FXYD6: variants seen among roughly 807,000 people sequenced by gnomAD.
FXYD6 encodes the protein FXYD domain containing ion transport regulator 6.
FXYD6 carries 7 observed loss-of-function variants against 16.7 expected under a neutral mutation model. The observed-to-expected ratio is 0.42, with a 90% CI of 0.24 to 0.79. The LOEUF is 0.79. Among genes scored for constraint, FXYD6 ranks in the 30% least tolerant of loss-of-function variants. The probability of loss-of-function intolerance (pLI) is 0.28; values close to 1 mark genes in which losing one functional copy is unlikely to be tolerated. For synonymous variants in FXYD6, 49 were observed against 43.0 expected (o/e 1.14, Z -0.54); for missense variants, 111 against 116.2 (o/e 0.95, Z 0.21).
intron 1 of FXYD6, among the ~76,000 whole-genome samples, chr11:117,860,090 A>T (rs2056871151): frequency 6.6e-6 from 1 of 151,132 alleles, no homozygotes; most frequent in South Asian, 2.1e-4. Flanking sequence ...GCCCTGGAGA[A>T]TAAGTGCAGG....
At position 117,856,346 on chromosome 11, in the gene FXYD6, C is replaced by G. The variant is rs558747285; in HGVS notation, c.-5-13565G>C. ...ACAACCTCCCTTGAAAATGCAGAGG[C>G]TCCAAATTACAGTGAAACTTCATTA... On this transcript the variant is annotated intron_variant, in intron 1 of 7. Coordinates refer to ENST00000526014, the MANE Select transcript of FXYD6 (RefSeq NM_022003.4). Among the ~76,000 whole-genome samples, 14 of 152,266 alleles carry G rather than the reference C, an allele frequency of 9.2e-5. 1 individual carries two copies. The South Asian group carries it at 2.9e-3, about 32-fold the overall frequency.
In FXYD6 at chr11:117,854,271, C is replaced by T. The variant is rs538237850; in HGVS notation, c.-5-11490G>A. Among the ~76,000 whole-genome samples, 7 of 152,290 alleles carry T rather than the reference C, an allele frequency of 4.6e-5. No homozygotes were observed. The South Asian group carries it at 1.2e-3, about 27-fold the overall frequency. ...AGGGAAGGACAAATGGACCAGGCTT[C>T]CCACAGTGGCCTCTTGACCAGCTCT... is the stretch of plus-strand genomic sequence containing the variant. On this transcript the variant is annotated intron_variant, in intron 1 of 7. Transcript: ENST00000526014.
At chr11:117,863,832 A>C (rs140038629) in intron 1 of FXYD6, among the ~76,000 whole-genome samples, 144 of 152,306 alleles carry the variant, frequency 9.5e-4, no homozygotes, top group Non-Finnish European at 1.6e-3. Flanking sequence ...AAAAATCTGA[A>C]GAGGAAACTA....
intron 1 of FXYD6, among the ~76,000 whole-genome samples, chr11:117,843,391 C>T (rs1488251010): frequency 1.3e-5 from 2 of 152,192 alleles, no homozygotes; most frequent in Non-Finnish European, 2.9e-5. Flanking sequence ...TAGATCCTAA[C>T]CCAGCATGGT....
chr11:117,871,763 C>T (rs970956820), intron 1 of FXYD6, among the ~76,000 whole-genome samples: 6 of 152,146 alleles, frequency 3.9e-5, no homozygotes, highest in African/African-American at 1.4e-4. Flanking sequence ...TTACACAGCT[C>T]GCCTCATACT....
intron 1 of FXYD6, among the ~76,000 whole-genome samples, chr11:117,875,631 A>G (rs2057242308): frequency 6.6e-6 from 1 of 152,172 alleles, no homozygotes; most frequent in African/African-American, 2.4e-5. Flanking sequence ...TCCATCTTCA[A>G]AGCTGGAAAT....
At chr11:117,868,117 G>A (rs1175359626) in intron 1 of FXYD6, among the ~76,000 whole-genome samples, 6 of 152,182 alleles carry the variant, frequency 3.9e-5, no homozygotes, top group East Asian at 1.9e-4. Flanking sequence ...TTTCATGCTC[G>A]CTTCATTAAG....
intron 1 of FXYD6, among the ~76,000 whole-genome samples, chr11:117,865,698 G>A (rs2062126670): frequency 6.6e-6 from 1 of 152,020 alleles, no homozygotes; most frequent in African/African-American, 2.4e-5. Flanking sequence ...GACCAAAGCG[G>A]GTGGATCACC....
In FXYD6 at chr11:117,870,806, C is replaced by G. The variant is rs1002334604; in HGVS notation, c.-6+5786G>C. Reference sequence around the variant, plus strand: ...TACCCACAGAGCCAAGGCCTACACCCCTTCCCATGTAGGGCTGTCACCAGT... The same window carrying G: ...TACCCACAGAGCCAAGGCCTACACCGCTTCCCATGTAGGGCTGTCACCAGT... On this transcript the variant is annotated intron_variant, in intron 1 of 7. Transcript: ENST00000526014. The surrounding 1 kb of genome is among the most constrained non-coding windows in gnomAD (Gnocchi z 4.2). 6.6e-6 allele frequency among the ~76,000 whole-genome samples: 1 copy of G among 152,180 alleles called. No individual in the cohort carries two copies. The highest frequency in any genetic ancestry group is 1.5e-5 in the Non-Finnish European group (1 of 68,038).
intron 1 of FXYD6, among the ~76,000 whole-genome samples, chr11:117,861,313 A>G (rs10790217): frequency 0.47 from 71,844 of 151,850 alleles, 17,798 homozygotes; most frequent in East Asian, 0.73. Context: ...CTGCCGGATG[A>G]AAGGAGGAGG....
At chr11:117,863,987 T>C (rs996129196) in intron 1 of FXYD6, among the ~76,000 whole-genome samples, 3 of 152,166 alleles carry the variant, frequency 2.0e-5, no homozygotes, top group Non-Finnish European at 4.4e-5. Flanking sequence ...TGTTTGTAGA[T>C]TGAAAGACCT....
intron 1 of FXYD6, among the ~76,000 whole-genome samples, chr11:117,856,308 A>G (rs538444142): frequency 1.3e-5 from 2 of 152,308 alleles, no homozygotes; most frequent in Non-Finnish European, 2.9e-5. Context: ...TCCATTGTGA[A>G]AATAACTCAG....
chr11:117,875,316 G>T (rs552253766), intron 1 of FXYD6, among the ~76,000 whole-genome samples: 1 of 152,208 alleles, frequency 6.6e-6, no homozygotes, highest in African/African-American at 2.4e-5. Context: ...TGTGCAGTGT[G>T]TGTGAAGTGG....
chr11:117,870,716 T>C lies in FXYD6; in HGVS notation c.-6+5876A>G, dbSNP rs918537396. Among the ~76,000 whole-genome samples the C allele has an allele frequency of 1.3e-5, 2 of 152,208 alleles. No homozygotes were observed. The highest frequency in any genetic ancestry group is 4.8e-5 in the African/African-American group (2 of 41,452). On this transcript the variant is annotated intron_variant, in intron 1 of 7. Transcript: ENST00000526014. The surrounding 1 kb of genome is among the most constrained non-coding windows in gnomAD (Gnocchi z 4.2). ...GCCCTGCCTTTAGAGGAGGGGGCTG[T>C]TGACCTGACTCTGTCTCTGTTTCAG...
intron 4 of FXYD6, 54 bp downstream of exon 4, chr11:117,841,737 G>C: frequency 6.2e-7 from 1 of 1,605,704 alleles, no homozygotes; most frequent in Non-Finnish European, 8.5e-7. Flanking sequence ...GTCCCCACCT[G>C]CTTAGCAGCC....
chr11:117,873,945 C>T (rs952819508), intron 1 of FXYD6, among the ~76,000 whole-genome samples: 3 of 152,152 alleles, frequency 2.0e-5, no homozygotes, highest in Non-Finnish European at 2.9e-5. Flanking sequence ...ACCAAAGGCT[C>T]TCCCTCCATA....
intron 1 of FXYD6, among the ~76,000 whole-genome samples, chr11:117,852,237 G>A (rs566456310): frequency 2.0e-5 from 3 of 152,336 alleles, no homozygotes; most frequent in African/African-American, 4.8e-5. Flanking sequence ...ACTGTAGTTC[G>A]GTATGATGCT....
At position 117,872,963 on chromosome 11, in the gene FXYD6, C is replaced by A. The variant is rs2057171796; in HGVS notation, c.-6+3629G>T. Among the ~76,000 whole-genome samples, 1 of 152,122 alleles carries A rather than the reference C, an allele frequency of 6.6e-6. No homozygotes were observed. Among genetic ancestry groups the A allele is most frequent in the African/African-American group, 2.4e-5 (1 of 41,424 alleles). On this transcript the variant is annotated intron_variant, in intron 1 of 7. Transcript: ENST00000526014. The surrounding 1 kb of genome is among the most constrained non-coding windows in gnomAD (Gnocchi z 4.9). ...CAGGGGTTCTCCCTGCAGAAGATTTCATGGACCTCCAAAATGACAGCCCAG... is the reference window on the plus strand; with the variant it reads ...CAGGGGTTCTCCCTGCAGAAGATTTAATGGACCTCCAAAATGACAGCCCAG...
intron 1 of FXYD6, among the ~76,000 whole-genome samples, chr11:117,859,261 T>C (rs921454372): frequency 1.4e-4 from 21 of 152,074 alleles, no homozygotes; most frequent in Non-Finnish European, 2.9e-5. Flanking sequence ...GGCGGGCAAA[T>C]GTGAATCCCC....
Sources: gnomAD v4.1 joint callset for allele counts (sites outside exome capture counted in the v4.1 genomes callset) on GRCh38, gnomAD v4.1.1 for gene constraint, Gnocchi (gnomAD v3.1) non-coding constraint, MANE v1.5 for transcripts, NCBI Gene and HGNC (gene_info 2026-07-23, HGNC 2026-07-21) for gene names.